ZNF804A: variants seen among roughly 807,000 people sequenced by gnomAD.
ZNF804A encodes zinc finger protein 804A.
In ZNF804A, 2 loss-of-function variants were observed where a neutral mutation model predicts 16.5. The ratio of observed to expected loss-of-function variants is 0.12; its 90% CI spans 0.05 to 0.38. ZNF804A has a LOEUF of 0.38. ZNF804A is among the 10% of genes least tolerant of loss of function. ZNF804A has a pLI of 0.99. For missense variants in ZNF804A, 1,473 were observed against 1,390.7 expected (o/e 1.06, Z -0.94); for synonymous variants, 534 against 489.6 (o/e 1.09, Z -1.20).
chr2:184,823,823 G>T (rs529356959), intron 1 of ZNF804A, among the ~76,000 whole-genome samples: 2 of 152,074 alleles, frequency 1.3e-5, no homozygotes, highest in Non-Finnish European at 2.9e-5. Context: ...TTATTAGTTT[G>T]TTGGGAAATT....
At chr2:184,930,748 A>G (rs113581070) in intron 2 of ZNF804A, among the ~76,000 whole-genome samples, 6 of 152,228 alleles carry the variant, frequency 3.9e-5, no homozygotes, top group Non-Finnish European at 8.8e-5. Context: ...AAAAATTTTT[A>G]TGGAACAGAA....
intron 1 of ZNF804A, among the ~76,000 whole-genome samples, chr2:184,711,351 A>T (rs1693122586): frequency 6.6e-6 from 1 of 151,574 alleles, no homozygotes; most frequent in African/African-American, 2.4e-5. Context: ...TTTAACTGGG[A>T]TACTTGCTTT....
rs1449188044 is a variant in ZNF804A at position 184,709,864 on chromosome 2, A to G, written c.111+110794A>G. 2.7e-5 allele frequency among the ~76,000 whole-genome samples: 4 copies of G among 148,396 alleles called. No individual in the cohort carries two copies. The East Asian group carries it at 5.8e-4, about 22-fold the overall frequency. ...TTTTTATAGTATATATTATAAATAT[A>G]TAATATATTTTAAGACTGCATAAAA... On this transcript the variant is annotated intron_variant, in intron 1 of 3. Coordinates refer to ENST00000302277, the MANE Select transcript of ZNF804A (RefSeq NM_194250.2).
At chr2:184,851,009 TC>T (rs1371638588) in intron 1 of ZNF804A, among the ~76,000 whole-genome samples, 2 of 151,772 alleles carry the variant, frequency 1.3e-5, no homozygotes, top group African/African-American at 4.8e-5. Context: ...ATCTAGTACT[TC>T]TAATTTCTGT....
chr2:184,878,827 G>C (rs543430867), intron 2 of ZNF804A, among the ~76,000 whole-genome samples: 92 of 151,872 alleles, frequency 6.1e-4, no homozygotes, highest in African/African-American at 2.2e-3. Context: ...AAAAATATTT[G>C]TTTTTTTATT....
At chr2:184,933,145 A>G (rs76963856) in intron 2 of ZNF804A, among the ~76,000 whole-genome samples, 6,358 of 39,056 alleles carry the variant, frequency 0.16, 208 homozygotes, top group Non-Finnish European at 0.18. Context: ...ACACACACGC[A>G]CACACACACA....
At chr2:184,701,649 G>C (rs1692921368) in intron 1 of ZNF804A, among the ~76,000 whole-genome samples, 1 of 151,784 alleles carries the variant, frequency 6.6e-6, no homozygotes, top group Non-Finnish European at 1.5e-5. Context: ...GCCATTAACA[G>C]CTTGATTTTC....
chr2:184,667,812 T>C (rs1398739991), intron 1 of ZNF804A, among the ~76,000 whole-genome samples: 3 of 151,834 alleles, frequency 2.0e-5, no homozygotes, highest in African/African-American at 7.2e-5. Flanking sequence ...ATAAATCTTT[T>C]TGTGTGAAAA....
chr2:184,749,665 T>A (rs1407221005), intron 1 of ZNF804A, among the ~76,000 whole-genome samples: 2 of 151,344 alleles, frequency 1.3e-5, no homozygotes, highest in African/African-American at 4.8e-5. Flanking sequence ...TAGCTCACAA[T>A]TGTAATGATT....
chr2:184,616,803 C>A (rs1427269402), intron 1 of ZNF804A, among the ~76,000 whole-genome samples: 2 of 152,052 alleles, frequency 1.3e-5, no homozygotes, highest in African/African-American at 4.8e-5. Context: ...GCATCATGGA[C>A]CTCTTTTCAT....
intron 1 of ZNF804A, among the ~76,000 whole-genome samples, chr2:184,685,319 G>A (rs984507341): frequency 4.6e-5 from 7 of 152,068 alleles, no homozygotes; most frequent in African/African-American, 1.7e-4. Context: ...CAAAGAGAGT[G>A]TCACAGCCGT....
intron 1 of ZNF804A, among the ~76,000 whole-genome samples, chr2:184,642,229 TTAA>T (rs1691806331): frequency 6.6e-6 from 1 of 152,156 alleles, no homozygotes; most frequent in Non-Finnish European, 1.5e-5. Context: ...ATTAAATTGT[TTAA>T]TGAGTTCCCT....
intron 1 of ZNF804A, among the ~76,000 whole-genome samples, chr2:184,844,336 T>G (rs1695481962): frequency 6.6e-6 from 1 of 152,148 alleles, no homozygotes; most frequent in Non-Finnish European, 1.5e-5. Context: ...CATTTATTCC[T>G]TCTACAACAC....
intron 1 of ZNF804A, among the ~76,000 whole-genome samples, chr2:184,605,335 T>G (rs188135627): frequency 2.2e-3 from 340 of 152,254 alleles, no homozygotes; most frequent in Non-Finnish European, 3.4e-3. Context: ...TAAATATAAT[T>G]GTGTTAGTTT....
At chr2:184,797,361 C>T (rs948008473) in intron 1 of ZNF804A, among the ~76,000 whole-genome samples, 4 of 152,110 alleles carry the variant, frequency 2.6e-5, no homozygotes, top group African/African-American at 9.7e-5. Context: ...TTGGAGAAGG[C>T]TTTTTACCAT....
At chr2:184,832,263 A>G (rs924985569) in intron 1 of ZNF804A, among the ~76,000 whole-genome samples, 4 of 152,040 alleles carry the variant, frequency 2.6e-5, no homozygotes, top group Non-Finnish European at 5.9e-5. Flanking sequence ...TTATAGGCAC[A>G]GCAGGAATTT....
chr2:184,780,677 C>A lies in ZNF804A; in HGVS notation c.112-85692C>A, dbSNP rs574090234. Among the ~76,000 whole-genome samples the A allele has an allele frequency of 4.6e-5, 7 of 151,800 alleles. No homozygotes were observed. In the East Asian group the frequency reaches 1.4e-3, roughly 30 times the overall value. On this transcript the variant is annotated intron_variant, in intron 1 of 3. Transcript: ENST00000302277. ...AGCTTCTTATACTGTTGAAGTGAAA[C>A]GAAGAAAAGCTTTTTTATCTTGGAG...
At chr2:184,717,412 A>G (rs1439968259) in intron 1 of ZNF804A, among the ~76,000 whole-genome samples, 1 of 152,140 alleles carries the variant, frequency 6.6e-6, no homozygotes, top group East Asian at 1.9e-4. Context: ...ATTTTTCAAC[A>G]TCCTTTTAAG....
chr2:184,681,943 C>T (rs573101037), intron 1 of ZNF804A, among the ~76,000 whole-genome samples: 1 of 152,360 alleles, frequency 6.6e-6, no homozygotes, highest in East Asian at 1.9e-4. Flanking sequence ...TTTCGGAGCA[C>T]ATATTAAGCC....
Sources: gnomAD v4.1 joint callset for allele counts (sites outside exome capture counted in the v4.1 genomes callset) on GRCh38, gnomAD v4.1.1 for gene constraint, MANE v1.5 for transcripts, NCBI Gene and HGNC (gene_info 2026-07-23, HGNC 2026-07-21) for gene names.